Variants in SGCZ observed in about 807,000 individuals in gnomAD.
SGCZ encodes the protein zeta-sarcoglycan.
A neutral mutation model predicts 41.3 loss-of-function variants in SGCZ; 40 were observed. The ratio of observed to expected loss-of-function variants is 0.97; its 90% CI spans 0.75 to 1.26. The LOEUF (loss-of-function observed/expected upper bound fraction) is 1.26, where lower values mean the gene tolerates loss of function less well. Ranked by LOEUF, SGCZ falls within the 50% of genes most tolerant of loss-of-function variation. SGCZ has a pLI of 0.00. For missense variants in SGCZ, 552 were observed against 369.8 expected, an observed-to-expected ratio of 1.49 and a Z score of -4.04; for synonymous variants, 206 against 137.5, an observed-to-expected ratio of 1.50 and a Z score of -3.49.
intron 1 of SGCZ, among the ~76,000 whole-genome samples, chr8:14,815,353 A>T (rs1310193035): frequency 6.7e-6 from 1 of 150,132 alleles, no homozygotes; most frequent in Non-Finnish European, 1.5e-5. Flanking sequence ...TAATTATTAC[A>T]TTTGCCAGTT....
intron 2 of SGCZ, among the ~76,000 whole-genome samples, chr8:14,417,829 A>C (rs1487934383): frequency 6.6e-6 from 1 of 151,910 alleles, no homozygotes; most frequent in African/African-American, 2.4e-5. Context: ...ATCACATTAT[A>C]CAACTTAAAT....
In SGCZ at chr8:14,324,108, G is replaced by A. The variant is rs1285651667; in HGVS notation, c.331C>T (p.Arg111Ter). Residue 111 changes from arginine to a stop codon, truncating the protein, a stop_gained, in exon 3 of 8, where the codon CGA becomes TGA. Transcript: ENST00000382080. LOFTEE classifies it high-confidence loss of function. ...CCAAAGCCAGTATCACATACCTTTC[G>A]AGAATGAATTTCTTTCACATACAAT... ...LPLYVKEIHS[R>*]KDSPLVLQSD... The A allele has an allele frequency of 5.6e-6, 9 of 1,608,536 alleles. No homozygotes were observed. The highest frequency in any genetic ancestry group is 7.7e-6 in the Non-Finnish European group (9 of 1,176,126).
intron 1 of SGCZ, among the ~76,000 whole-genome samples, chr8:14,950,128 G>T (rs1360453479): frequency 6.6e-6 from 1 of 151,978 alleles, no homozygotes; most frequent in Non-Finnish European, 1.5e-5. Context: ...CTCTCCAGGG[G>T]TAGTGTATTT....
At chr8:15,131,550 ATTTTAT>A (rs1045520364) in intron 1 of SGCZ, among the ~76,000 whole-genome samples, 1 of 152,248 alleles carries the variant, frequency 6.6e-6, no homozygotes, top group Non-Finnish European at 1.5e-5. Flanking sequence ...ATCAAATGAT[ATTTTAT>A]TTTTATGTCC....
At chr8:14,711,507 C>G (rs547800227) in intron 1 of SGCZ, among the ~76,000 whole-genome samples, 2 of 145,972 alleles carry the variant, frequency 1.4e-5, no homozygotes, top group African/African-American at 5.1e-5. Flanking sequence ...AAGGCTGACG[C>G]AGGAGAATTG....
chr8:14,435,061 T>C (rs1159485396), intron 2 of SGCZ, among the ~76,000 whole-genome samples: 3 of 152,158 alleles, frequency 2.0e-5, no homozygotes, highest in Non-Finnish European at 4.4e-5. Flanking sequence ...ATTAGAATGA[T>C]GTATTTTGCC....
chr8:15,224,490 G>A (rs1801705147), intron 1 of SGCZ, among the ~76,000 whole-genome samples: 1 of 152,084 alleles, frequency 6.6e-6, no homozygotes, highest in African/African-American at 2.4e-5. Context: ...AGAAAACTGA[G>A]TTTGCTACTA....
intron 2 of SGCZ, among the ~76,000 whole-genome samples, chr8:14,372,525 A>G (rs150710852): frequency 6.6e-6 from 1 of 152,228 alleles, no homozygotes; most frequent in African/African-American, 2.4e-5. Flanking sequence ...TGGGCTGGTA[A>G]AAAGGGCCAT....
chr8:14,186,099 A>G (rs1035271763), intron 4 of SGCZ, among the ~76,000 whole-genome samples: 2 of 152,308 alleles, frequency 1.3e-5, no homozygotes, highest in East Asian at 1.9e-4. Flanking sequence ...AGGGCTCCCC[A>G]GTAATTTAGC....
At chr8:14,569,307 T>C (rs1784839776) in intron 1 of SGCZ, among the ~76,000 whole-genome samples, 1 of 152,192 alleles carries the variant, frequency 6.6e-6, no homozygotes, top group African/African-American at 2.4e-5. Context: ...GTTAAATAGC[T>C]CCATTATTTT....
intron 1 of SGCZ, among the ~76,000 whole-genome samples, chr8:14,901,440 C>T (rs560081813): frequency 9.9e-5 from 15 of 152,184 alleles, no homozygotes; most frequent in Non-Finnish European, 1.8e-4. Context: ...GAGAATAAAA[C>T]GTAGGCGTAT....
intron 1 of SGCZ, among the ~76,000 whole-genome samples, chr8:15,058,203 T>C (rs1804786187): frequency 6.6e-6 from 1 of 152,188 alleles, no homozygotes; most frequent in Non-Finnish European, 1.5e-5. Flanking sequence ...AATAAGTCTT[T>C]TTTTAAAAGG....
intron 2 of SGCZ, among the ~76,000 whole-genome samples, chr8:14,466,829 T>A (rs534578960): frequency 2.6e-5 from 4 of 152,006 alleles, no homozygotes; most frequent in African/African-American, 9.6e-5. Context: ...ATTTTATTAA[T>A]ATTTTCATTT....
intron 5 of SGCZ, among the ~76,000 whole-genome samples, chr8:14,146,318 C>A (rs1301149830): frequency 6.6e-6 from 1 of 151,882 alleles, no homozygotes; most frequent in Admixed American, 6.6e-5. Flanking sequence ...AAATGGTTAC[C>A]CTAGAATAGC....
chr8:14,115,351 A>G (rs1373812231), intron 5 of SGCZ, among the ~76,000 whole-genome samples: 1 of 152,050 alleles, frequency 6.6e-6, no homozygotes, highest in Non-Finnish European at 1.5e-5. Flanking sequence ...GCTTCATTAT[A>G]AACATTATAA....
At chr8:14,545,666 A>G (rs748748497) in intron 2 of SGCZ, among the ~76,000 whole-genome samples, 26 of 152,116 alleles carry the variant, frequency 1.7e-4, no homozygotes, top group Admixed American at 7.2e-4. Context: ...AATGGTTTTA[A>G]TTTTCTGGAC....
intron 4 of SGCZ, among the ~76,000 whole-genome samples, chr8:14,210,940 C>G (rs1563187884): frequency 6.6e-6 from 1 of 152,104 alleles, no homozygotes; most frequent in Non-Finnish European, 1.5e-5. Flanking sequence ...AAAGACCATT[C>G]TTGATTGCAT....
chr8:14,516,202 C>G (rs1485478498), intron 2 of SGCZ, among the ~76,000 whole-genome samples: 2 of 151,484 alleles, frequency 1.3e-5, no homozygotes, highest in African/African-American at 4.8e-5. Context: ...ACATCGTAAA[C>G]TCATGGTAAT....
intron 2 of SGCZ, among the ~76,000 whole-genome samples, chr8:14,463,552 TG>T: frequency 6.6e-6 from 1 of 151,688 alleles, no homozygotes; most frequent in Middle Eastern, 3.4e-3. Context: ...AAGGAAACAT[TG>T]GGCAAAAACT....
Sources: allele counts gnomAD v4.1 joint callset (sites outside exome capture counted in the v4.1 genomes callset), GRCh38; gene constraint gnomAD v4.1.1; transcripts MANE v1.5; gene names NCBI Gene and HGNC (gene_info 2026-07-23, HGNC 2026-07-21).